Variants in ELP2 observed in about 807,000 individuals in gnomAD.
The protein encoded by ELP2 is elongator complex protein 2.
A neutral mutation model predicts 119.2 loss-of-function variants in ELP2; 90 were observed. The observed-to-expected ratio is 0.75, with a 90% CI of 0.64 to 0.90. The LOEUF (loss-of-function observed/expected upper bound fraction) is 0.90, where lower values mean the gene tolerates loss of function less well. Ranked by LOEUF, ELP2 falls within the 40% of genes least tolerant of loss-of-function variation. The pLI, the probability that ELP2 is intolerant of heterozygous loss-of-function variation, is 0.00. For missense variants in ELP2, 921 were observed against 967.8 expected (o/e 0.95, Z 0.64); for synonymous variants, 339 against 331.0 (o/e 1.02, Z -0.26).
At chr18:36,163,535 T>C (rs954125178) in intron 17 of ELP2, among the ~76,000 whole-genome samples, 1 of 152,098 alleles carries the variant, frequency 6.6e-6, no homozygotes, top group Non-Finnish European at 1.5e-5. Flanking sequence ...TGATTCAAGG[T>C]CACAAGGATT....
At chr18:36,138,645 C>T in intron 4 of ELP2, 150 bp from the exon 5 acceptor site, 2 of 867,842 alleles carry the variant, frequency 2.3e-6, no homozygotes, top group East Asian at 5.1e-5. Context: ...AAAATTTGGC[C>T]ATTTAACTTC....
intron 11 of ELP2, among the ~76,000 whole-genome samples, chr18:36,154,352 C>CT (rs2090496908): frequency 6.6e-6 from 1 of 152,146 alleles, no homozygotes; most frequent in Non-Finnish European, 1.5e-5. Context: ...ACCTGTAACT[C>CT]TTTTTACTTA....
At chr18:36,166,999 A>C (rs1333251006) in intron 18 of ELP2, 102 bp from the exon 19 acceptor site, 1 of 1,222,248 alleles carries the variant, frequency 8.2e-7, no homozygotes, top group East Asian at 2.6e-5. Flanking sequence ...TATAAATTGA[A>C]TATTAAGTCA....
At chr18:36,160,459 C>T (rs938841503) in intron 16 of ELP2, among the ~76,000 whole-genome samples, 1 of 151,736 alleles carries the variant, frequency 6.6e-6, no homozygotes, top group Admixed American at 6.6e-5. Context: ...TGCCTGTAGT[C>T]CCAAGCTACT....
intron 17 of ELP2, among the ~76,000 whole-genome samples, chr18:36,162,726 A>G (rs529083984): frequency 7.2e-5 from 11 of 152,248 alleles, no homozygotes; most frequent in African/African-American, 2.2e-4. Context: ...AGCACTTAGT[A>G]TCAGTCTTTT....
intron 1 of ELP2, among the ~76,000 whole-genome samples, chr18:36,130,473 C>T (rs956351721): frequency 6.6e-6 from 1 of 152,166 alleles, no homozygotes; most frequent in African/African-American, 2.4e-5. Flanking sequence ...GTATTTCCTT[C>T]AGTTTTGGTT....
chr18:36,165,012 C>A, intron 18 of ELP2: 1 of 280,484 alleles, frequency 3.6e-6, no homozygotes, highest in Non-Finnish European at 6.9e-6. Flanking sequence ...TTATCCTAAG[C>A]TAGGATTTTA....
intron 2 of ELP2, among the ~76,000 whole-genome samples, chr18:36,133,876 C>T (rs1268882830): frequency 2.1e-5 from 3 of 145,920 alleles, no homozygotes; most frequent in Non-Finnish European, 3.0e-5. Context: ...TGTGGCACCA[C>T]GCCTTTCTAG....
intron 11 of ELP2, among the ~76,000 whole-genome samples, chr18:36,152,193 T>A (rs1455287844): frequency 3.4e-5 from 1 of 29,636 alleles, no homozygotes; most frequent in Admixed American, 3.9e-4. Flanking sequence ...TGAGACCCTA[T>A]CTCAAAAAAA....
intron 13 of ELP2, among the ~76,000 whole-genome samples, chr18:36,157,783 A>C (rs1017074105): frequency 6.6e-6 from 1 of 152,250 alleles, no homozygotes; most frequent in African/African-American, 2.4e-5. Flanking sequence ...GCTTGTTTCT[A>C]ATAATAATGG....
rs1462840438 is a variant in ELP2, at chr18:36,174,495, A to C, written c.2335A>C (p.Thr779Pro). 3 of 1,613,948 alleles carry C rather than the reference A, an allele frequency of 1.9e-6. No individual in the cohort carries two copies. The highest frequency in any genetic ancestry group is 3.3e-5 in the Admixed American group (2 of 60,004). The change falls in exon 22 of 22, where the codon ACA (threonine) becomes CCA (proline). Residue 779 changes from threonine (T) to proline (P), a missense_variant. Physicochemically the swap from Thr to Pro is conservative, Grantham distance 38. Transcript: ENST00000358232. ...CTATCTTTGTTTTAGCCAAAGTCAT[A>C]CACTGGCTATCAGAAAATTATGCTG... ...CVETSQSQSH[T>P]LAIRKLCWKN...
intron 1 of ELP2, among the ~76,000 whole-genome samples, chr18:36,132,223 T>C (rs1194643063): frequency 6.6e-6 from 1 of 152,170 alleles, no homozygotes; most frequent in Non-Finnish European, 1.5e-5. Flanking sequence ...AATAAAAGCA[T>C]TTCAAATGCT....
intron 11 of ELP2, among the ~76,000 whole-genome samples, chr18:36,147,755 T>G (rs2090256341): frequency 6.6e-6 from 1 of 152,162 alleles, no homozygotes; most frequent in Non-Finnish European, 1.5e-5. Context: ...CTTAAATGAG[T>G]TAACATTTAT....
chr18:36,149,643 C>T (rs1305551839), intron 11 of ELP2, among the ~76,000 whole-genome samples: 1 of 151,848 alleles, frequency 6.6e-6, no homozygotes, highest in South Asian at 2.1e-4. Flanking sequence ...AAAATATAGT[C>T]ATTTTACCAG....
chr18:36,142,821 A>G lies in ELP2; in HGVS notation c.656-5A>G, dbSNP rs758510871. On this transcript the variant is annotated splice_polypyrimidine_tract_variant and splice_region_variant and intron_variant, in intron 7 of 21. Transcript: ENST00000358232. Reference sequence around the variant, plus strand: ...TAAAATTAATACAACTTATTTTTTAATTAGGTAGAGATCTTTTCCTAGCAA... The same window carrying G: ...TAAAATTAATACAACTTATTTTTTAGTTAGGTAGAGATCTTTTCCTAGCAA... 4 of 1,585,110 alleles carry G rather than the reference A, an allele frequency of 2.5e-6. No individual in the cohort carries two copies. Among genetic ancestry groups the G allele is most frequent in the Non-Finnish European group, 3.5e-6 (4 of 1,158,924 alleles).
chr18:36,138,254 A>C lies in ELP2; in HGVS notation c.289-16A>C, dbSNP rs2089902171. 1 of 1,613,956 alleles carries C rather than the reference A, an allele frequency of 6.2e-7. No individual in the cohort carries two copies. The highest frequency in any genetic ancestry group is 8.5e-7 in the Non-Finnish European group (1 of 1,179,914). ...TCCTTTTTTTCACAATGCTTCTGTC[A>C]TTCTTTCTGATTCAGCTTTTAAAAG... On this transcript the variant is annotated splice_polypyrimidine_tract_variant and intron_variant, in intron 3 of 21. Coordinates refer to ENST00000358232, the MANE Select transcript of ELP2 (RefSeq NM_018255.4).
intron 8 of ELP2, 135 bp from the exon 9 acceptor site, chr18:36,144,804 T>C: frequency 1.5e-6 from 1 of 685,688 alleles, no homozygotes. Context: ...GAATGCATGT[T>C]CTTTTTTTGA....
chr18:36,131,507 T>C (rs1189349570), intron 1 of ELP2, among the ~76,000 whole-genome samples: 1 of 152,142 alleles, frequency 6.6e-6, no homozygotes, highest in East Asian at 1.9e-4. Flanking sequence ...GGGGCGGCCA[T>C]AGGGGTGGAG....
intron 17 of ELP2, among the ~76,000 whole-genome samples, chr18:36,162,940 AG>A (rs2090783645): frequency 6.6e-6 from 1 of 152,108 alleles, no homozygotes; most frequent in South Asian, 2.1e-4. Context: ...TTATAGATTT[AG>A]GGGTACAAGT....
Sources: allele counts gnomAD v4.1 joint callset (sites outside exome capture counted in the v4.1 genomes callset), GRCh38; gene constraint gnomAD v4.1.1; transcripts MANE v1.5; gene names NCBI Gene and HGNC (gene_info 2026-07-23, HGNC 2026-07-21).